CDH4: variants seen among roughly 807,000 people sequenced by gnomAD.
CDH4 encodes the protein cadherin-4.
Under a neutral mutation model 86.0 loss-of-function variants are expected in CDH4, and 33 were observed. The ratio of observed to expected loss-of-function variants is 0.38; its 90% CI spans 0.29 to 0.51. The LOEUF is 0.51. CDH4 is among the 20% of genes least tolerant of loss of function. CDH4 has a pLI of 0.86. For missense variants in CDH4, 1,114 were observed against 1,307.4 expected (o/e 0.85, Z 2.28); for synonymous variants, 555 against 549.4 (o/e 1.01, Z -0.14).
chr20:61,588,987 A>G (rs2086498548), intron 2 of CDH4, among the ~76,000 whole-genome samples: 1 of 152,216 alleles, frequency 6.6e-6, no homozygotes, highest in Admixed American at 6.5e-5. Flanking sequence ...GCAAACATCG[A>G]TAATTGTTTT....
intron 2 of CDH4, among the ~76,000 whole-genome samples, chr20:61,394,779 G>A (rs2085006760): frequency 6.6e-6 from 1 of 150,416 alleles, no homozygotes; most frequent in South Asian, 2.2e-4. Flanking sequence ...ATTTTTAAAT[G>A]TTGGAAACTT....
chr20:61,735,026 C>A (rs1254684078), intron 2 of CDH4, among the ~76,000 whole-genome samples: 1 of 152,284 alleles, frequency 6.6e-6, no homozygotes, highest in Admixed American at 6.5e-5. Context: ...CCGGCAAGCA[C>A]CATCGTCTTC....
intron 8 of CDH4, among the ~76,000 whole-genome samples, chr20:61,898,317 T>A (rs538521189): frequency 6.6e-6 from 1 of 152,346 alleles, no homozygotes; most frequent in African/African-American, 2.4e-5. Flanking sequence ...AAATGTTAAT[T>A]AAAAGTTATT....
chr20:61,803,893 G>C (rs1004908519), intron 4 of CDH4, among the ~76,000 whole-genome samples: 8 of 152,274 alleles, frequency 5.3e-5, no homozygotes, highest in Non-Finnish European at 1.0e-4. Context: ...TCGCTGCAGA[G>C]CGTGAGGCCG....
intron 3 of CDH4, among the ~76,000 whole-genome samples, chr20:61,746,925 C>T (rs932050305): frequency 1.3e-5 from 2 of 152,196 alleles, no homozygotes; most frequent in Admixed American, 1.3e-4. Context: ...CCTTACAGAG[C>T]GTGATGCCAG....
At chr20:61,836,665 T>C (rs530069056) in intron 4 of CDH4, among the ~76,000 whole-genome samples, 1 of 151,986 alleles carries the variant, frequency 6.6e-6, no homozygotes, top group East Asian at 1.9e-4. Context: ...CAAGGAAGAG[T>C]TGGGGGGAAA....
intron 2 of CDH4, among the ~76,000 whole-genome samples, chr20:61,288,545 C>G (rs902500420): frequency 1.3e-5 from 2 of 152,222 alleles, no homozygotes; most frequent in Admixed American, 1.3e-4. Context: ...CTGAGCAGTT[C>G]CTGATGAATG....
intron 2 of CDH4, among the ~76,000 whole-genome samples, chr20:61,698,596 A>G (rs2087740435): frequency 6.6e-6 from 1 of 152,246 alleles, no homozygotes; most frequent in Non-Finnish European, 1.5e-5. Context: ...GTGGGCTTGC[A>G]ATTGTGTCCT....
chr20:61,779,965 C>T (rs1402496485), intron 4 of CDH4, among the ~76,000 whole-genome samples: 1 of 152,224 alleles, frequency 6.6e-6, no homozygotes, highest in Non-Finnish European at 1.5e-5. Flanking sequence ...CACCTAAGCA[C>T]CCACTTTCCA....
At chr20:61,760,569 T>G (rs1230297977) in intron 3 of CDH4, among the ~76,000 whole-genome samples, 1 of 152,122 alleles carries the variant, frequency 6.6e-6, no homozygotes, top group Non-Finnish European at 1.5e-5. Context: ...ATGAAGGTGC[T>G]GGCTTCCCGC....
In CDH4 at chr20:61,846,931, G is replaced by C. The variant is rs145655805; in HGVS notation, c.732+2108G>C. On this transcript the variant is annotated intron_variant, in intron 5 of 15. Transcript: ENST00000614565. Reference sequence around the variant, plus strand: ...TCGCAGATGCAGCCTGTGGGTGCTGGCCGGGGCATCTGAGGGGCACCAGAA... The same window carrying C: ...TCGCAGATGCAGCCTGTGGGTGCTGCCCGGGGCATCTGAGGGGCACCAGAA... Among the ~76,000 whole-genome samples, 348 of 152,268 alleles carry C rather than the reference G, an allele frequency of 2.3e-3. 1 individual carries two copies. Among genetic ancestry groups the C allele is most frequent in the African/African-American group, 7.9e-3 (330 of 41,544 alleles).
At position 61,928,320 on chromosome 20, in the gene CDH4, G is replaced by A. The variant is rs147023467; in HGVS notation, c.1902G>A (p.Thr634=). 5.2e-5 allele frequency: 83 copies of A among 1,609,596 alleles called. 1 individual carries two copies. In the African/African-American group the frequency reaches 5.9e-4, roughly 11 times the overall value. The part of the protein sequence containing the change: ...EKPNLNAINI[T]AADADVDPNI... ...CCAACCTGAACGCCATCAACATCACGGCGGCCGACGCTGACGTCGACCCCA... is the reference window on the plus strand; with the variant it reads ...CCAACCTGAACGCCATCAACATCACAGCGGCCGACGCTGACGTCGACCCCA... Residue 634 remains threonine, a synonymous_variant, in exon 12 of 16, where the codon ACG becomes ACA. Coordinates refer to ENST00000614565, the MANE Select transcript of CDH4 (RefSeq NM_001794.5).
chr20:61,772,924 C>T, intron 3 of CDH4, 79 bp from the exon 4 acceptor site: 2 of 1,324,180 alleles, frequency 1.5e-6, no homozygotes, highest in East Asian at 2.4e-5. Context: ...CAGTACAGAT[C>T]ATCTTAGCAG....
At chr20:61,566,620 C>T (rs1349319149) in intron 2 of CDH4, among the ~76,000 whole-genome samples, 1 of 152,130 alleles carries the variant, frequency 6.6e-6, no homozygotes, top group Non-Finnish European at 1.5e-5. Flanking sequence ...AAGGTGGCCC[C>T]GAGGACCCGT....
At chr20:61,463,188 G>A (rs1355849025) in intron 2 of CDH4, among the ~76,000 whole-genome samples, 3 of 152,144 alleles carry the variant, frequency 2.0e-5, no homozygotes, top group Non-Finnish European at 4.4e-5. Context: ...CCCCAGTCAC[G>A]TGGAACTGTG....
At chr20:61,476,225 T>C (rs1270763225) in intron 2 of CDH4, among the ~76,000 whole-genome samples, 1 of 152,226 alleles carries the variant, frequency 6.6e-6, no homozygotes, top group Non-Finnish European at 1.5e-5. Flanking sequence ...ACAAATATTT[T>C]GGTAATTTCA....
chr20:61,597,195 G>A (rs1372048692), intron 2 of CDH4, among the ~76,000 whole-genome samples: 1 of 152,220 alleles, frequency 6.6e-6, no homozygotes, highest in Non-Finnish European at 1.5e-5. Flanking sequence ...GGGAATAAAA[G>A]AGGTGAATTT....
chr20:61,258,340 A>AAAAAAAAAAAAAAG (rs1353887398), intron 2 of CDH4, among the ~76,000 whole-genome samples: 11 of 121,848 alleles, frequency 9.0e-5, no homozygotes, highest in African/African-American at 3.4e-4. Flanking sequence ...AAAAAAAAAA[A>AAAAAAAAAAAAAAG]AAAAAGAAAA....
chr20:61,418,976 T>C (rs1226449241), intron 2 of CDH4, among the ~76,000 whole-genome samples: 1 of 152,214 alleles, frequency 6.6e-6, no homozygotes, highest in Non-Finnish European at 1.5e-5. Context: ...GTGACTTCTC[T>C]TGTCATTGGA....
Sources: gnomAD v4.1 joint callset for allele counts (sites outside exome capture counted in the v4.1 genomes callset) on GRCh38, gnomAD v4.1.1 for gene constraint, MANE v1.5 for transcripts, NCBI Gene and HGNC (gene_info 2026-07-23, HGNC 2026-07-21) for gene names.